Variants in GPC6 observed in about 807,000 individuals in gnomAD.
GPC6 encodes the protein glypican 6, also known as glypican-6.
A neutral mutation model predicts 55.2 loss-of-function variants in GPC6; 14 were observed. That is an observed-to-expected ratio of 0.25 (90% CI 0.17 to 0.40). The LOEUF (loss-of-function observed/expected upper bound fraction) is 0.40, where lower values mean the gene tolerates loss of function less well. GPC6 is among the 10% of genes least tolerant of loss of function. GPC6 has a pLI of 1.00. For synonymous variants in GPC6, 278 were observed against 259.6 expected (o/e 1.07, Z -0.68); for missense variants, 641 against 708.5 (o/e 0.90, Z 1.08).
chr13:93,365,208 T>C (rs1881199208), intron 1 of GPC6, among the ~76,000 whole-genome samples: 1 of 152,084 alleles, frequency 6.6e-6, no homozygotes, highest in South Asian at 2.1e-4. Flanking sequence ...CCGTGACTTG[T>C]CTTCCACTCT....
chr13:93,961,583 T>C (rs1023672065), intron 3 of GPC6, among the ~76,000 whole-genome samples: 30 of 152,342 alleles, frequency 2.0e-4, no homozygotes, highest in African/African-American at 7.0e-4. Flanking sequence ...TTGAAATGCA[T>C]AGACCATCAC....
chr13:93,487,892 A>G (rs955147741), intron 1 of GPC6, among the ~76,000 whole-genome samples: 6 of 152,220 alleles, frequency 3.9e-5, no homozygotes, highest in African/African-American at 1.4e-4. Context: ...TCTCTACCTC[A>G]TCATACTGCC....
intron 4 of GPC6, among the ~76,000 whole-genome samples, chr13:94,280,800 T>C (rs559689977): frequency 2.6e-5 from 4 of 152,200 alleles, no homozygotes; most frequent in South Asian, 4.2e-4. Context: ...AAGAGCAAAA[T>C]TGGGTGCCAT....
intron 2 of GPC6, among the ~76,000 whole-genome samples, chr13:93,747,958 T>G (rs1206933849): frequency 6.6e-6 from 1 of 152,146 alleles, no homozygotes; most frequent in East Asian, 1.9e-4. Context: ...CAGTGCTTAG[T>G]GTAGTGCCTG....
chr13:94,127,383 C>T (rs1214166562), intron 4 of GPC6, among the ~76,000 whole-genome samples: 3 of 151,976 alleles, frequency 2.0e-5, no homozygotes, highest in Non-Finnish European at 4.4e-5. Flanking sequence ...GAAAGCACCT[C>T]CCCTCCCACT....
At chr13:93,564,675 A>G (rs960343209) in intron 2 of GPC6, among the ~76,000 whole-genome samples, 3 of 152,142 alleles carry the variant, frequency 2.0e-5, no homozygotes, top group African/African-American at 4.8e-5. Flanking sequence ...TCTTCTGAAG[A>G]ACACTTTTTA....
intron 3 of GPC6, among the ~76,000 whole-genome samples, chr13:93,852,037 A>T (rs1888421036): frequency 6.6e-6 from 1 of 151,794 alleles, no homozygotes; most frequent in Admixed American, 6.6e-5. Context: ...AAAAAGCAAA[A>T]TGTATTCCAA....
chr13:93,614,456 T>C (rs1158272292), intron 2 of GPC6, among the ~76,000 whole-genome samples: 1 of 152,182 alleles, frequency 6.6e-6, no homozygotes, highest in African/African-American at 2.4e-5. Context: ...TATGTATCTC[T>C]GTTTTCTCAT....
intron 3 of GPC6, among the ~76,000 whole-genome samples, chr13:93,967,946 T>C (rs918099403): frequency 6.6e-6 from 1 of 152,146 alleles, no homozygotes; most frequent in Non-Finnish European, 1.5e-5. Flanking sequence ...TAATAGGTAA[T>C]CCCGTGGGCA....
chr13:94,291,406 G>T (rs530756947), intron 5 of GPC6, among the ~76,000 whole-genome samples: 1 of 152,128 alleles, frequency 6.6e-6, no homozygotes, highest in African/African-American at 2.4e-5. Context: ...GAAGCCAGGA[G>T]CCTAATGTGG....
intron 4 of GPC6, among the ~76,000 whole-genome samples, chr13:94,212,461 A>G (rs568135836): frequency 6.6e-6 from 1 of 152,332 alleles, no homozygotes; most frequent in Admixed American, 6.5e-5. Context: ...ATTGTTAATT[A>G]TGTGAAGTAA....
intron 1 of GPC6, among the ~76,000 whole-genome samples, chr13:93,412,157 G>A (rs1490930105): frequency 6.6e-6 from 1 of 152,074 alleles, no homozygotes; most frequent in Non-Finnish European, 1.5e-5. Flanking sequence ...TAAGTGGAGA[G>A]GACTCTACTT....
intron 3 of GPC6, among the ~76,000 whole-genome samples, chr13:93,935,051 G>T (rs1166950103): frequency 2.6e-5 from 4 of 152,188 alleles, no homozygotes; most frequent in Admixed American, 6.5e-5. Context: ...GAAATCTGCA[G>T]TGTTTTTACC....
chr13:94,299,593 G>T (rs1875532748), intron 5 of GPC6, among the ~76,000 whole-genome samples: 1 of 152,152 alleles, frequency 6.6e-6, no homozygotes, highest in South Asian at 2.1e-4. Flanking sequence ...AGTCCTTTTT[G>T]CCCTTCAGCC....
intron 4 of GPC6, among the ~76,000 whole-genome samples, chr13:94,181,110 G>A (rs1888978299): frequency 6.6e-6 from 1 of 152,138 alleles, no homozygotes; most frequent in African/African-American, 2.4e-5. Flanking sequence ...GAGAGCTCTG[G>A]ACTCATCAAT....
At chr13:93,465,120 C>T (rs529886640) in intron 1 of GPC6, among the ~76,000 whole-genome samples, 4 of 152,250 alleles carry the variant, frequency 2.6e-5, no homozygotes, top group South Asian at 4.1e-4. Flanking sequence ...CATCCAGGCT[C>T]GATTGTTCTG....
intron 2 of GPC6, among the ~76,000 whole-genome samples, chr13:93,606,850 G>GAC (rs1878257454): frequency 2.0e-5 from 3 of 152,112 alleles, no homozygotes; most frequent in African/African-American, 7.2e-5. Context: ...TAATCCAACT[G>GAC]TCAATCCTCT....
chr13:93,320,197 A>C (rs1341194910), intron 1 of GPC6, among the ~76,000 whole-genome samples: 1 of 152,144 alleles, frequency 6.6e-6, no homozygotes, highest in Non-Finnish European at 1.5e-5. Flanking sequence ...ATATACTCAT[A>C]ATAATGCAAA....
chr13:93,705,298 C>G (rs1705702490), intron 2 of GPC6, among the ~76,000 whole-genome samples: 1 of 151,928 alleles, frequency 6.6e-6, no homozygotes, highest in Admixed American at 6.6e-5. Flanking sequence ...TGCTCTTCTG[C>G]AAACTCTTCC....
Sources: gnomAD v4.1 joint callset for allele counts (sites outside exome capture counted in the v4.1 genomes callset) on GRCh38, gnomAD v4.1.1 for gene constraint, MANE v1.5 for transcripts, NCBI Gene and HGNC (gene_info 2026-07-23, HGNC 2026-07-21) for gene names.